AKAP6: variants seen among roughly 807,000 people sequenced by gnomAD.
The protein encoded by AKAP6 is A-kinase anchoring protein 6, also known as A-kinase anchor protein 6.
AKAP6 carries 58 observed loss-of-function variants against 188.5 expected under a neutral mutation model. The observed-to-expected ratio is 0.31, with a 90% CI of 0.25 to 0.38. The LOEUF (loss-of-function observed/expected upper bound fraction) is 0.38, where lower values mean the gene tolerates loss of function less well. Ranked by LOEUF, AKAP6 falls within the 10% of genes least tolerant of loss-of-function variation. AKAP6 has a pLI of 1.00. For synonymous variants in AKAP6, 989 were observed against 998.6 expected (o/e 0.99, Z 0.18); for missense variants, 2,710 against 2,740.0 (o/e 0.99, Z 0.24).
At position 32,577,113 on chromosome 14, in the gene AKAP6, T is replaced by G; in HGVS notation, c.2347-7T>G. On this transcript the variant is annotated splice_region_variant and splice_polypyrimidine_tract_variant and intron_variant, in intron 4 of 13. Transcript: ENST00000280979. ...CCTTTTTTTCCCCTTTTCTTTCCTT[T>G]CACAAGGGGTTTGTAAACAAACTGG... is the stretch of plus-strand genomic sequence containing the variant. 1 of 1,599,232 alleles carries G rather than the reference T, an allele frequency of 6.3e-7. No individual in the cohort carries two copies. Among genetic ancestry groups the G allele is most frequent in the South Asian group, 1.1e-5 (1 of 87,476 alleles).
At chr14:32,581,887 T>C (rs902132245) in intron 5 of AKAP6, among the ~76,000 whole-genome samples, 1 of 152,206 alleles carries the variant, frequency 6.6e-6, no homozygotes, top group Non-Finnish European at 1.5e-5. Flanking sequence ...CCTATGTGTG[T>C]CTCTGCACAT....
intron 1 of AKAP6, among the ~76,000 whole-genome samples, chr14:32,396,194 T>A (rs1297521480): frequency 1.3e-5 from 2 of 152,180 alleles, no homozygotes; most frequent in Non-Finnish European, 2.9e-5. Flanking sequence ...TGAGTTTGCT[T>A]GTGAAATATG....
In AKAP6 at chr14:32,546,486, A is replaced by G. The variant is rs780548398; in HGVS notation, c.1833A>G (p.Pro611=). ...GCAAAAAAGGTCAAGCCTCCTCTCC[A>G]AGTCACGTCACTAGGAATGGTGAGG... ...HKSKKGQASS[P]SHVTRNGEVV... Residue 611 remains proline, a synonymous_variant, in exon 4 of 14, where the codon CCA becomes CCG. Coordinates refer to ENST00000280979, the MANE Select transcript of AKAP6 (RefSeq NM_004274.5). The G allele has an allele frequency of 3.3e-5, 54 of 1,614,024 alleles. No homozygotes were observed. Among genetic ancestry groups the G allele is most frequent in the Non-Finnish European group, 4.6e-5 (54 of 1,180,024 alleles).
At chr14:32,785,464 C>T (rs760905659) in intron 12 of AKAP6, among the ~76,000 whole-genome samples, 4 of 151,940 alleles carry the variant, frequency 2.6e-5, no homozygotes, top group African/African-American at 4.8e-5. Context: ...TATGATCATT[C>T]AATGTTTTTT....
rs571385735 is a variant in AKAP6, at chr14:32,456,524, A to G, written c.324+22707A>G. 5.3e-5 allele frequency among the ~76,000 whole-genome samples: 8 copies of G among 152,364 alleles called. No individual in the cohort carries two copies. In the East Asian group the frequency reaches 1.5e-3, roughly 29 times the overall value. ...TTTTGTTTTATTATCAAATAACAAAAATATTTAGCTGATGACAAGTCTTTT... is the reference window on the plus strand; with the variant it reads ...TTTTGTTTTATTATCAAATAACAAAGATATTTAGCTGATGACAAGTCTTTT... On this transcript the variant is annotated intron_variant, in intron 2 of 13. Coordinates refer to ENST00000280979, the MANE Select transcript of AKAP6 (RefSeq NM_004274.5).
At chr14:32,565,984 T>C (rs1303559700) in intron 4 of AKAP6, among the ~76,000 whole-genome samples, 2 of 152,214 alleles carry the variant, frequency 1.3e-5, no homozygotes, top group Non-Finnish European at 2.9e-5. Context: ...GTGAGTTACA[T>C]GTCTTTTCAA....
chr14:32,773,254 C>T (rs1054771433), intron 11 of AKAP6, among the ~76,000 whole-genome samples: 2 of 151,982 alleles, frequency 1.3e-5, no homozygotes, highest in African/African-American at 4.8e-5. Context: ...GAACTTTTTG[C>T]CTCCAAAGAA....
intron 7 of AKAP6, among the ~76,000 whole-genome samples, chr14:32,648,207 G>A (rs537850521): frequency 6.6e-6 from 1 of 152,168 alleles, no homozygotes; most frequent in East Asian, 1.9e-4. Flanking sequence ...TTCAAAAACA[G>A]ACGTTTTAGA....
At chr14:32,340,170 T>C (rs1013201390) in intron 1 of AKAP6, among the ~76,000 whole-genome samples, 1 of 151,882 alleles carries the variant, frequency 6.6e-6, no homozygotes, top group Non-Finnish European at 1.5e-5. Flanking sequence ...AAACTCAGTG[T>C]TTTTATTTTA....
At chr14:32,613,496 C>T (rs1402882142) in intron 7 of AKAP6, among the ~76,000 whole-genome samples, 1 of 151,992 alleles carries the variant, frequency 6.6e-6, no homozygotes, top group Non-Finnish European at 1.5e-5. Flanking sequence ...TTGGAAAACT[C>T]CTCTGTCTCA....
At chr14:32,477,494 G>A (rs958247914) in intron 2 of AKAP6, among the ~76,000 whole-genome samples, 4 of 152,118 alleles carry the variant, frequency 2.6e-5, no homozygotes, top group Non-Finnish European at 2.9e-5. Flanking sequence ...ATTGGGGTTC[G>A]CAGTTCTCCC....
At chr14:32,644,301 A>G (rs753006347) in intron 7 of AKAP6, among the ~76,000 whole-genome samples, 4 of 152,196 alleles carry the variant, frequency 2.6e-5, no homozygotes, top group Non-Finnish European at 4.4e-5. Context: ...GCTGTCAGAT[A>G]ATATCCAGAG....
intron 7 of AKAP6, among the ~76,000 whole-genome samples, chr14:32,616,277 G>A (rs1001901123): frequency 1.1e-4 from 16 of 152,184 alleles, no homozygotes; most frequent in East Asian, 3.9e-4. Flanking sequence ...AATATTAATC[G>A]TTCTATCATA....
chr14:32,508,250 A>G (rs750027908), intron 2 of AKAP6, among the ~76,000 whole-genome samples: 1 of 152,226 alleles, frequency 6.6e-6, no homozygotes, highest in African/African-American at 2.4e-5. Context: ...AGAGGTAATT[A>G]TTGGTATTAA....
At chr14:32,756,615 T>G (rs1278332961) in intron 11 of AKAP6, among the ~76,000 whole-genome samples, 1 of 151,872 alleles carries the variant, frequency 6.6e-6, no homozygotes, top group Admixed American at 6.6e-5. Flanking sequence ...CTCTGCAGGG[T>G]AGGGCGTGGA....
At chr14:32,446,992 T>A (rs1890776276) in intron 2 of AKAP6, among the ~76,000 whole-genome samples, 1 of 152,188 alleles carries the variant, frequency 6.6e-6, no homozygotes, top group African/African-American at 2.4e-5. Context: ...GAAATGAAAC[T>A]ATTTAAGATA....
At chr14:32,752,564 T>A (rs934326154) in intron 11 of AKAP6, among the ~76,000 whole-genome samples, 2 of 152,318 alleles carry the variant, frequency 1.3e-5, no homozygotes, top group South Asian at 4.1e-4. Context: ...TATATGTATA[T>A]GTCGTGACAT....
chr14:32,491,353 G>T (rs139297097), intron 2 of AKAP6, among the ~76,000 whole-genome samples: 2 of 152,066 alleles, frequency 1.3e-5, no homozygotes, highest in African/African-American at 4.8e-5. Flanking sequence ...GTTATAATTT[G>T]TCTGAGTTAT....
At position 32,545,912 on chromosome 14, in the gene AKAP6, A is replaced by T; in HGVS notation, c.1259A>T (p.Glu420Val). ...AGGCAAATGGTTGATCTAAAGCCTG[A>T]GATGAGCAGAAGCACCCCTTCGCTA... The part of the protein sequence containing the change: ...GKRQMVDLKP[E>V]MSRSTPSLVD... The change falls in exon 4 of 14, where the codon GAG becomes GTG. Residue 420 changes from glutamate to valine, a missense_variant. This residue lies in a region of AKAP6 where 2,473 missense variants were observed against 2,426.1 expected (regional missense o/e 1.02). Coordinates refer to ENST00000280979, the MANE Select transcript of AKAP6 (RefSeq NM_004274.5). The T allele has an allele frequency of 1.9e-6, 3 of 1,614,220 alleles. No individual in the cohort carries two copies. Among genetic ancestry groups the T allele is most frequent in the Non-Finnish European group, 2.5e-6 (3 of 1,180,030 alleles).
Sources: gnomAD v4.1 joint callset for allele counts (sites outside exome capture counted in the v4.1 genomes callset) on GRCh38, gnomAD v4.1.1 for gene constraint, gnomAD v4.1.1 regional missense constraint, MANE v1.5 for transcripts, NCBI Gene and HGNC (gene_info 2026-07-23, HGNC 2026-07-21) for gene names.